Variants in FAT3 observed in about 807,000 individuals in gnomAD.
The protein encoded by FAT3 is protocadherin Fat 3.
Under a neutral mutation model 310.2 loss-of-function variants are expected in FAT3, and 95 were observed. The observed-to-expected ratio is 0.31, with a 90% CI of 0.26 to 0.36. The LOEUF (loss-of-function observed/expected upper bound fraction) is 0.36. Among genes scored for constraint, FAT3 ranks in the 10% least tolerant of loss-of-function variants. The pLI is 1.00. For missense variants in FAT3, 5,408 were observed against 5,715.6 expected, an observed-to-expected ratio of 0.95 and a Z score of 1.74; for synonymous variants, 2,314 against 2,192.9, an observed-to-expected ratio of 1.06 and a Z score of -1.54.
intron 3 of FAT3, among the ~76,000 whole-genome samples, chr11:92,667,225 C>G (rs546146644): frequency 6.6e-6 from 1 of 152,226 alleles, no homozygotes; most frequent in South Asian, 2.1e-4. Flanking sequence ...AAGGAACTGT[C>G]CACCATTTAA....
chr11:92,800,349 A>G lies in FAT3; in HGVS notation c.7336A>G (p.Ser2446Gly), dbSNP rs762738290. The G allele has an allele frequency of 1.2e-6, 2 of 1,614,036 alleles. No homozygotes were observed. Among genetic ancestry groups the G allele is most frequent in the East Asian group, 4.5e-5 (2 of 44,874 alleles). The change falls in exon 10 of 28, where the codon AGC (serine) becomes GGC (glycine). Residue 2446 changes from serine to glycine, a missense_variant. Transcript: ENST00000525166. ...TGACCGGACGAGCTTTCTGATGGAC[A>G]GCAAGAGTGGAGTTATCACATTGTC... ...GNDRTSFLMD[S>G]KSGVITLSNH...
intron 13 of FAT3, among the ~76,000 whole-genome samples, chr11:92,816,157 G>A (rs1371030939): frequency 6.6e-6 from 1 of 152,244 alleles, no homozygotes; most frequent in African/African-American, 2.4e-5. Context: ...ACAGAGGAGT[G>A]AGACAGAGAG....
At chr11:92,848,048 G>C (rs980924546) in intron 19 of FAT3, among the ~76,000 whole-genome samples, 1 of 152,060 alleles carries the variant, frequency 6.6e-6, no homozygotes, top group Non-Finnish European at 1.5e-5. Context: ...CCACCACTTG[G>C]TGGAATAATT....
At chr11:92,636,964 A>T (rs1350414521) in intron 3 of FAT3, among the ~76,000 whole-genome samples, 1 of 152,138 alleles carries the variant, frequency 6.6e-6, no homozygotes, top group Non-Finnish European at 1.5e-5. Flanking sequence ...TCTGGCCATC[A>T]CTGCAGATGC....
chr11:92,533,688 G>GGGCA (rs1195373711), intron 3 of FAT3, among the ~76,000 whole-genome samples: 1 of 152,102 alleles, frequency 6.6e-6, no homozygotes, highest in Non-Finnish European at 1.5e-5. Flanking sequence ...CCCAACGCAG[G>GGGCA]GGCAGCTCAC....
chr11:92,411,128 AT>A (rs1165014240), intron 2 of FAT3, among the ~76,000 whole-genome samples: 1 of 114,710 alleles, frequency 8.7e-6, no homozygotes, highest in Non-Finnish European at 1.8e-5. Context: ...ATATTTATAT[AT>A]TATATATTAT....
At chr11:92,616,882 C>A (rs1940837941) in intron 3 of FAT3, among the ~76,000 whole-genome samples, 1 of 152,140 alleles carries the variant, frequency 6.6e-6, no homozygotes, top group Non-Finnish European at 1.5e-5. Context: ...TCGGTAACCC[C>A]CACCTTTCTC....
chr11:92,618,789 C>T (rs1940943490), intron 3 of FAT3, among the ~76,000 whole-genome samples: 1 of 152,128 alleles, frequency 6.6e-6, no homozygotes, highest in Non-Finnish European at 1.5e-5. Context: ...GTTATCTACA[C>T]ATGGAAATAG....
At chr11:92,255,132 C>T (rs1246326002) in intron 1 of FAT3, among the ~76,000 whole-genome samples, 1 of 152,116 alleles carries the variant, frequency 6.6e-6, no homozygotes, top group East Asian at 1.9e-4. Flanking sequence ...CTAAAGTTAA[C>T]TCTGACTAAT....
At position 92,805,291 on chromosome 11, in the gene FAT3, A is replaced by G. The variant is rs760550078; in HGVS notation, c.9035A>G (p.Gln3012Arg). 10 of 1,613,850 alleles carry G rather than the reference A, an allele frequency of 6.2e-6. No homozygotes were observed. Among genetic ancestry groups the G allele is most frequent in the Non-Finnish European group, 8.5e-6 (10 of 1,179,822 alleles). The change falls in exon 11 of 28, where the codon CAG (glutamine) becomes CGG (arginine). Residue 3012 changes from glutamine (Q) to arginine (R), a missense_variant. Around this residue, in one of 5 missense-constraint regions of FAT3, gnomAD observed 4,588 missense variants for 4,809.8 expected, o/e 0.95. Coordinates refer to ENST00000525166, the MANE Select transcript of FAT3 (RefSeq NM_001367949.2). Reference protein sequence around the residue: ...ITATDGLFVTQAMVEVSVSDV... With the variant: ...ITATDGLFVTRAMVEVSVSDV... ...GCCACTGATGGGCTTTTTGTCACAC[A>G]GGCCATGGTGGAAGTGAGCGTCAGT...
chr11:92,816,297 G>C (rs1445019226), intron 13 of FAT3, among the ~76,000 whole-genome samples: 2 of 152,212 alleles, frequency 1.3e-5, no homozygotes, highest in African/African-American at 4.8e-5. Context: ...GTCAGTGCGA[G>C]TCTATCTAGT....
chr11:92,474,644 C>T (rs1487026557), intron 2 of FAT3, among the ~76,000 whole-genome samples: 1 of 152,022 alleles, frequency 6.6e-6, no homozygotes. Context: ...GAGCTCAGAG[C>T]CTGGGGTGAC....
intron 1 of FAT3, among the ~76,000 whole-genome samples, chr11:92,305,833 G>A (rs957536530): frequency 1.3e-5 from 2 of 152,132 alleles, no homozygotes; most frequent in Non-Finnish European, 2.9e-5. Flanking sequence ...AGTAGAAATG[G>A]CATCTAAATT....
intron 3 of FAT3, among the ~76,000 whole-genome samples, chr11:92,650,481 G>A (rs1229331331): frequency 6.6e-6 from 1 of 152,180 alleles, no homozygotes; most frequent in African/African-American, 2.4e-5. Context: ...TACACAGGGA[G>A]TAGTGGTTCC....
intron 3 of FAT3, among the ~76,000 whole-genome samples, chr11:92,597,517 G>T (rs1330506210): frequency 6.6e-6 from 1 of 152,160 alleles, no homozygotes; most frequent in Admixed American, 6.5e-5. Context: ...TGGAGCCTTA[G>T]ACCATTTCTC....
chr11:92,867,301 C>G, intron 22 of FAT3, 92 bp downstream of exon 22: 1 of 1,295,540 alleles, frequency 7.7e-7, no homozygotes, highest in Non-Finnish European at 1.0e-6. Context: ...AACGCAAGGA[C>G]TCTACTAGAG....
rs551070699 is a variant in FAT3, at chr11:92,742,323, A to T, written c.3670-19533A>T. On this transcript the variant is annotated intron_variant, in intron 4 of 27. Coordinates refer to ENST00000525166, the MANE Select transcript of FAT3 (RefSeq NM_001367949.2). ...TAGAGGATTTTATAAGAACTACAGGAGTAGGGAGTAAGGGGGATACCATGC... is the reference window on the plus strand; with the variant it reads ...TAGAGGATTTTATAAGAACTACAGGTGTAGGGAGTAAGGGGGATACCATGC... Among the ~76,000 whole-genome samples the T allele has an allele frequency of 1.3e-3, 205 of 152,330 alleles. 1 individual carries two copies. Among genetic ancestry groups the T allele is most frequent in the African/African-American group, 4.7e-3 (197 of 41,580 alleles).
At chr11:92,734,216 C>G (rs976209144) in intron 4 of FAT3, among the ~76,000 whole-genome samples, 1 of 152,196 alleles carries the variant, frequency 6.6e-6, no homozygotes, top group Non-Finnish European at 1.5e-5. Flanking sequence ...AAAGGATTGT[C>G]TCTGGAAGGG....
intron 3 of FAT3, among the ~76,000 whole-genome samples, chr11:92,531,323 A>G (rs149726881): frequency 6.6e-6 from 1 of 152,254 alleles, no homozygotes; most frequent in East Asian, 1.9e-4. Context: ...ACAAGGACAA[A>G]GGGAACTTTT....
Sources: allele counts gnomAD v4.1 joint callset (sites outside exome capture counted in the v4.1 genomes callset), GRCh38; gene constraint gnomAD v4.1.1; regional missense constraint gnomAD v4.1.1; transcripts MANE v1.5; gene names NCBI Gene and HGNC (gene_info 2026-07-23, HGNC 2026-07-21).